The following TOM1L2 variants were observed in gnomAD, a reference collection of about 807,000 sequenced individuals.
The protein encoded by TOM1L2 is target of myb1 like 2 membrane trafficking protein.
In TOM1L2, 31 loss-of-function variants were observed where a neutral mutation model predicts 67.9. That is an observed-to-expected ratio of 0.46 (90% CI 0.34 to 0.62). The LOEUF (loss-of-function observed/expected upper bound fraction) is 0.62, where lower values mean the gene tolerates loss of function less well. TOM1L2 is among the 20% of genes least tolerant of loss of function. The pLI, the probability that TOM1L2 is intolerant of heterozygous loss-of-function variation, is 0.01. For missense variants in TOM1L2, 606 were observed against 663.5 expected (o/e 0.91, Z 0.95); for synonymous variants, 256 against 254.0 (o/e 1.01, Z -0.07).
At chr17:17,957,367 A>G (rs544301635) in intron 1 of TOM1L2, among the ~76,000 whole-genome samples, 1 of 152,312 alleles carries the variant, frequency 6.6e-6, no homozygotes, top group African/African-American at 2.4e-5. Flanking sequence ...AAGAGCATAT[A>G]CTGTATGACT....
At chr17:17,903,005 C>T (rs2144352743) in intron 2 of TOM1L2, among the ~76,000 whole-genome samples, 1 of 152,186 alleles carries the variant, frequency 6.6e-6, no homozygotes, top group East Asian at 1.9e-4. Flanking sequence ...CTGTGGTGTC[C>T]ACCTTCCTCC....
intron 1 of TOM1L2, among the ~76,000 whole-genome samples, chr17:17,961,865 C>A (rs2041693048): frequency 7.7e-6 from 1 of 130,634 alleles, no homozygotes. Context: ...GAGCGAGACT[C>A]CGTCTCAAAA....
At chr17:17,962,029 T>A (rs576806965) in intron 1 of TOM1L2, among the ~76,000 whole-genome samples, 2 of 152,320 alleles carry the variant, frequency 1.3e-5, no homozygotes, top group East Asian at 3.9e-4. Flanking sequence ...AATGGAATAT[T>A]ATACAGCCTT....
At chr17:17,953,113 T>C (rs1408255513) in intron 1 of TOM1L2, among the ~76,000 whole-genome samples, 1 of 151,852 alleles carries the variant, frequency 6.6e-6, no homozygotes, top group Non-Finnish European at 1.5e-5. Flanking sequence ...ACCCCATCTC[T>C]ACAAAAAAAA....
chr17:17,923,105 GCCAC>G (rs939523253), intron 1 of TOM1L2, among the ~76,000 whole-genome samples: 5 of 152,208 alleles, frequency 3.3e-5, no homozygotes, highest in Admixed American at 2.6e-4. Flanking sequence ...GCTCATTAAA[GCCAC>G]AGTGTTGGCT....
intron 1 of TOM1L2, among the ~76,000 whole-genome samples, chr17:17,949,983 G>C (rs1474967925): frequency 6.6e-6 from 1 of 151,944 alleles, no homozygotes; most frequent in Non-Finnish European, 1.5e-5. Context: ...CCATTCTCCC[G>C]CCTCAGCCTC....
intron 12 of TOM1L2, among the ~76,000 whole-genome samples, chr17:17,852,380 G>A (rs1373206991): frequency 6.6e-6 from 1 of 152,178 alleles, no homozygotes; most frequent in African/African-American, 2.4e-5. Flanking sequence ...TATCTACGAT[G>A]CCACCAGAGC....
intron 1 of TOM1L2, among the ~76,000 whole-genome samples, chr17:17,971,376 C>A (rs2042073415): frequency 1.3e-5 from 2 of 152,126 alleles, no homozygotes. Flanking sequence ...GATTCCCAGT[C>A]CAGGGCTCTT....
At position 17,850,478 on chromosome 17, in the gene TOM1L2, T is replaced by TA. The variant is rs1297410374; in HGVS notation, c.1338+414dup. Reference sequence around the variant, plus strand: ...AAGCACTGTGTGTATACTTCACAATTAAAAAAAAAAGAAATGAAAACAAAA... The same window carrying TA: ...AAGCACTGTGTGTATACTTCACAATTAAAAAAAAAAAGAAATGAAAACAAAA... On this transcript the variant is annotated intron_variant, in intron 13 of 14. Transcript: ENST00000379504. Among the ~76,000 whole-genome samples the TA allele has an allele frequency of 4.9e-4, 70 of 142,504 alleles. 1 individual carries two copies. Among genetic ancestry groups the TA allele is most frequent in the African/African-American group, 5.4e-4 (21 of 38,824 alleles). 93.5% of individuals were successfully genotyped at this position (142,504 alleles called of 152,430 possible).
intron 1 of TOM1L2, among the ~76,000 whole-genome samples, chr17:17,915,288 A>G (rs990860337): frequency 3.3e-5 from 5 of 152,200 alleles, no homozygotes; most frequent in African/African-American, 1.2e-4. Context: ...AGGTGAGACT[A>G]TATCATGCAA....
intron 1 of TOM1L2, among the ~76,000 whole-genome samples, chr17:17,933,624 C>T (rs1307563493): frequency 6.6e-6 from 1 of 152,180 alleles, no homozygotes; most frequent in Non-Finnish European, 1.5e-5. Context: ...CACCACCACA[C>T]TTACAGTACT....
intron 1 of TOM1L2, among the ~76,000 whole-genome samples, chr17:17,943,568 G>A (rs565193064): frequency 2.1e-4 from 32 of 152,304 alleles, no homozygotes; most frequent in South Asian, 4.1e-4. Context: ...AGGGGAGCCC[G>A]AAGGCTGAGC....
intron 1 of TOM1L2, among the ~76,000 whole-genome samples, chr17:17,968,976 C>A (rs1230730531): frequency 6.6e-6 from 1 of 152,086 alleles, no homozygotes; most frequent in Non-Finnish European, 1.5e-5. Context: ...ATCTACACCA[C>A]TCATTGTTTC....
intron 4 of TOM1L2, among the ~76,000 whole-genome samples, chr17:17,888,594 C>A (rs1598272496): frequency 2.0e-5 from 3 of 152,332 alleles, no homozygotes; most frequent in Middle Eastern, 6.8e-3. Context: ...AGCTACCAGG[C>A]TCTGACGTCT....
intron 3 of TOM1L2, among the ~76,000 whole-genome samples, chr17:17,894,686 T>C (rs1307981743): frequency 6.6e-6 from 1 of 152,176 alleles, no homozygotes; most frequent in Non-Finnish European, 1.5e-5. Context: ...ATCCCAGCAC[T>C]TTGGGAGGCC....
intron 8 of TOM1L2, among the ~76,000 whole-genome samples, chr17:17,867,504 A>G (rs2036921587): frequency 6.6e-6 from 1 of 152,192 alleles, no homozygotes; most frequent in African/African-American, 2.4e-5. Flanking sequence ...CCAGTCAGGC[A>G]GTGCAGGGGG....
At chr17:17,914,293 C>T (rs1160136830) in intron 1 of TOM1L2, among the ~76,000 whole-genome samples, 1 of 152,212 alleles carries the variant, frequency 6.6e-6, no homozygotes, top group African/African-American at 2.4e-5. Flanking sequence ...ACACTGCTGT[C>T]TCAGTGGCTA....
intron 13 of TOM1L2, among the ~76,000 whole-genome samples, chr17:17,849,972 G>A (rs2035867165): frequency 6.6e-6 from 1 of 152,320 alleles, no homozygotes; most frequent in East Asian, 1.9e-4. Flanking sequence ...AGCAGCCAGA[G>A]GCCCCAACCT....
At chr17:17,914,653 G>C (rs1443302418) in intron 1 of TOM1L2, among the ~76,000 whole-genome samples, 1 of 152,136 alleles carries the variant, frequency 6.6e-6, no homozygotes, top group Non-Finnish European at 1.5e-5. Flanking sequence ...TGCCATCTGA[G>C]GACTGACTTT....
Sources: allele counts gnomAD v4.1 joint callset (sites outside exome capture counted in the v4.1 genomes callset), GRCh38; gene constraint gnomAD v4.1.1; transcripts MANE v1.5; gene names NCBI Gene and HGNC (gene_info 2026-07-23, HGNC 2026-07-21).